The following SEMA4G variants were observed in gnomAD, a reference collection of about 807,000 sequenced individuals.
SEMA4G encodes the protein semaphorin-4G.
In SEMA4G, 59 loss-of-function variants were observed where a neutral mutation model predicts 81.2. The ratio of observed to expected loss-of-function variants is 0.73; its 90% CI spans 0.59 to 0.90. SEMA4G has a LOEUF of 0.90. SEMA4G is among the 40% of genes least tolerant of loss of function. The pLI, the probability that SEMA4G is intolerant of heterozygous loss-of-function variation, is 0.00. For synonymous variants in SEMA4G, 404 were observed against 433.9 expected, an observed-to-expected ratio of 0.93 and a Z score of 0.86; for missense variants, 952 against 1,102.3, an observed-to-expected ratio of 0.86 and a Z score of 1.93.
At chr10:100,975,993 G>A (rs537442350) in intron 3 of SEMA4G, among the ~76,000 whole-genome samples, 25 of 152,272 alleles carry the variant, frequency 1.6e-4, no homozygotes, top group Middle Eastern at 3.4e-3. Flanking sequence ...ATGAAAATAG[G>A]GTGAGTCTGG....
intron 13 of SEMA4G, among the ~76,000 whole-genome samples, chr10:100,981,931 G>A (rs1851099315): frequency 6.6e-6 from 1 of 151,882 alleles, no homozygotes; most frequent in Admixed American, 6.6e-5. Flanking sequence ...GGTGGCACAT[G>A]TCTGTAATCC....
At chr10:100,977,840 T>A in intron 4 of SEMA4G, 110 bp downstream of exon 5, 1 of 925,574 alleles carries the variant, frequency 1.1e-6, no homozygotes, top group Non-Finnish European at 1.7e-6. Context: ...GGATGGTTTA[T>A]TAAGGGGACT....
chr10:100,977,524 AC>A (rs1850852984), intron 3 of SEMA4G, 107 bp from the exon 5 acceptor site: 6 of 816,858 alleles, frequency 7.3e-6, no homozygotes, highest in Non-Finnish European at 1.3e-5. Flanking sequence ...CTTGGAAAGA[AC>A]CGTTTGTCCT....
At position 100,983,947 on chromosome 10, in the gene SEMA4G, C is replaced by A. The variant is rs776467523; in HGVS notation, c.2333C>A (p.Thr778Asn). ...CCCCCACCGCCACCGGCTGAGCTGA[C>A]CAATGGCTTGGTGGCACTGCCCAGC... is the stretch of plus-strand genomic sequence containing the variant. The change falls in exon 14 of 14, where the codon ACC becomes AAC. Residue 778 changes from threonine (T) to asparagine (N), a missense_variant. By Grantham distance (65) the Thr-to-Asn change is moderately conservative. Transcript: ENST00000370250. The A allele has an allele frequency of 3.8e-6, 6 of 1,587,202 alleles. No homozygotes were observed. In the East Asian group the frequency reaches 1.4e-4, roughly 37 times the overall value.
chr10:100,979,134 G>C (rs149549143), exon 8 of SEMA4G: 1 of 1,614,190 alleles, frequency 6.2e-7, no homozygotes, highest in South Asian at 1.1e-5. Flanking sequence ...TCCTGCAGAA[G>C]AAGTGGACTT....
At chr10:100,975,347 G>C (rs1850743758) in intron 3 of SEMA4G, among the ~76,000 whole-genome samples, 1 of 152,212 alleles carries the variant, frequency 6.6e-6, no homozygotes. Flanking sequence ...TGGATAGCAA[G>C]GCTTTATAGA....
At chr10:100,984,958 T>C (rs1851363979), downstream of SEMA4G, 5 of 1,355,482 alleles carry the variant, frequency 3.7e-6, no homozygotes, top group Non-Finnish European at 4.9e-6. Context: ...GTATCACACA[T>C]GTGCTTACAT....
Position 100,973,218 on chromosome 10 carries a change from G to A in SEMA4G, c.214G>A (p.Ala72Thr), listed in dbSNP as rs1384572205. Reference sequence around the variant, plus strand: ...GGCCTCAGCAAGGCTGCTGGTGGGAGCCCGAGGTGCCCTGTTCTCTCTCAG... The same window carrying A: ...GGCCTCAGCAAGGCTGCTGGTGGGAACCCGAGGTGCCCTGTTCTCTCTCAG... The change falls in exon 2 of 14, where the codon GCC becomes ACC. Residue 72 changes from alanine (A) to threonine (T), a missense_variant. Physicochemically the swap from Ala to Thr is moderately conservative, Grantham distance 58. Transcript: ENST00000370250. This position sits in a 1 kb window ranked among gnomAD's most constrained non-coding sequence, Gnocchi z 5.5. 2 of 1,613,610 alleles carry A rather than the reference G, an allele frequency of 1.2e-6. No homozygotes were observed. Among genetic ancestry groups the A allele is most frequent in the Middle Eastern group, 1.6e-4 (1 of 6,062 alleles).
rs145555722 is a variant in SEMA4G, at chr10:100,983,776, G to A, written c.2162G>A (p.Gly721Glu). 214 of 1,609,038 alleles carry A rather than the reference G, an allele frequency of 1.3e-4. 1 individual carries two copies. In the African/African-American group the frequency reaches 2.3e-3, roughly 18 times the overall value. ...TCACTGGGTCGGGCCAGCCGGGCAG[G>A]AGGATCTGCGGTGCAACTGCAGACA... The change falls in exon 14 of 14, where the codon GGA (glycine) becomes GAA (glutamate). Residue 721 changes from glycine (G) to glutamate (E), a missense_variant. Gly to Glu is a moderately conservative substitution (Grantham distance 98). This residue lies in a region of SEMA4G where 385 missense variants were observed against 413.5 expected (regional missense o/e 0.93). Transcript: ENST00000370250.
intron 3 of SEMA4G, 66 bp from the exon 5 acceptor site, chr10:100,977,566 C>A: frequency 7.6e-7 from 1 of 1,309,244 alleles, no homozygotes; most frequent in Non-Finnish European, 1.1e-6. Flanking sequence ...AACTACAAAG[C>A]TAGACTAATG....
rs976114197 is a variant in SEMA4G at position 100,984,254 on chromosome 10, T to C, written c.*123T>C. 5 of 1,447,544 alleles carry C rather than the reference T, an allele frequency of 3.5e-6. No individual in the cohort carries two copies. In the African/African-American group the frequency reaches 4.3e-5, roughly 12 times the overall value. The allele number at this position is 1,447,544 out of a possible 1,614,324, so 89.7% of individuals were successfully genotyped here. On this transcript the variant is annotated 3_prime_UTR_variant, in exon 14 of 14. Transcript: ENST00000370250. Reference sequence around the variant, plus strand: ...CACTCCATACCCTTCTCCCAACTTTTTGATGTCCCTGTAGGGCTGGCCAGT... The same window carrying C: ...CACTCCATACCCTTCTCCCAACTTTCTGATGTCCCTGTAGGGCTGGCCAGT...
chr10:100,970,288 TGCTCC>T (rs1850593686), upstream of SEMA4G, among the ~76,000 whole-genome samples: 1 of 151,996 alleles, frequency 6.6e-6, no homozygotes, highest in Non-Finnish European at 1.5e-5. Flanking sequence ...AGGGGTGATA[TGCTCC>T]GCCCCGCCCA....
chr10:100,973,254 A>G lies in SEMA4G; in HGVS notation c.250A>G (p.Ile84Val). The change falls in exon 2 of 14, where the codon ATA (isoleucine) becomes GTA (valine). Residue 84 changes from isoleucine (I) to valine (V), a missense_variant. This residue lies in a region of SEMA4G where 436 missense variants were observed against 488.2 expected (regional missense o/e 0.89). Transcript: ENST00000370250. This position sits in a 1 kb window ranked among gnomAD's most constrained non-coding sequence, Gnocchi z 5.5. ...CCTGTTCTCTCTCAGTGCCAACGAC[A>G]TAGGAGATGGGGCTCACAAAGAGGT... 2 of 1,613,216 alleles carry G rather than the reference A, an allele frequency of 1.2e-6. No individual in the cohort carries two copies. The highest frequency in any genetic ancestry group is 2.2e-5 in the East Asian group (1 of 44,872).
chr10:100,979,184 A>G (rs141723515), exon 8 of SEMA4G: 1 of 1,614,224 alleles, frequency 6.2e-7, no homozygotes. Context: ...ATTCCACTGT[A>G]TGAGACACTG....
chr10:100,984,116 TGA>T lies in SEMA4G; in HGVS notation c.2506_2507del (p.Ser836LeufsTer27). On this transcript the variant is annotated frameshift_variant, in exon 14 of 14. Transcript: ENST00000370250. LOFTEE classifies it high-confidence loss of function. ...ACACGCAGCTCGTGGAGCAGCTAGATGAGAGCTCTGTCTGAGCCCAGCCTCCC... is the reference window on the plus strand; with the variant it reads ...ACACGCAGCTCGTGGAGCAGCTAGATGAGCTCTGTCTGAGCCCAGCCTCCC... The T allele has an allele frequency of 6.2e-7, 1 of 1,610,876 alleles. No individual in the cohort carries two copies. Among genetic ancestry groups the T allele is most frequent in the Non-Finnish European group, 8.5e-7 (1 of 1,178,576 alleles).
chr10:100,985,018 G>A, downstream of SEMA4G: 1 of 1,095,254 alleles, frequency 9.1e-7, no homozygotes, highest in Non-Finnish European at 1.3e-6. Flanking sequence ...GGACCTGTCT[G>A]TTGGGTTTAG....
chr10:100,983,625 C>T (rs772635727), exon 14 of SEMA4G: 2 of 1,613,914 alleles, frequency 1.2e-6, no homozygotes, highest in South Asian at 2.2e-5. Context: ...ACAGCTGGCA[C>T]CTGATGTGAG....
intron 3 of SEMA4G, chr10:100,974,845 G>A (rs914000787): frequency 5.3e-6 from 2 of 376,584 alleles, no homozygotes; most frequent in South Asian, 2.1e-5. Context: ...GGCATGGTGG[G>A]TCACACTTGT....
In SEMA4G at chr10:100,973,509, G is replaced by C; in HGVS notation, c.274-38G>C. On this transcript the variant is annotated intron_variant, in intron 2 of 13. Transcript: ENST00000370250. The surrounding 1 kb of genome is among the most constrained non-coding windows in gnomAD (Gnocchi z 5.5). ...CTGGTCCTATGAGTAATAGGTATTGGGGTCAGTGCATCAGCCTATTCCCTT... is the reference window on the plus strand; with the variant it reads ...CTGGTCCTATGAGTAATAGGTATTGCGGTCAGTGCATCAGCCTATTCCCTT... The C allele has an allele frequency of 6.2e-7, 1 of 1,600,182 alleles. No individual in the cohort carries two copies. The highest frequency in any genetic ancestry group is 8.6e-7 in the Non-Finnish European group (1 of 1,167,726).
Sources: allele counts gnomAD v4.1 joint callset (sites outside exome capture counted in the v4.1 genomes callset), GRCh38; gene constraint gnomAD v4.1.1; regional missense constraint gnomAD v4.1.1; non-coding constraint Gnocchi (gnomAD v3.1); transcripts MANE v1.5; gene names NCBI Gene and HGNC (gene_info 2026-07-23, HGNC 2026-07-21).